The following NETO1 variants were observed in gnomAD, a reference collection of about 807,000 sequenced individuals.
NETO1 encodes neuropilin and tolloid-like protein 1.
In NETO1, 26 loss-of-function variants were observed where a neutral mutation model predicts 61.3. The ratio of observed to expected loss-of-function variants is 0.42; its 90% confidence interval spans 0.31 to 0.59. The LOEUF is 0.59. Among genes scored for constraint, NETO1 ranks in the 20% least tolerant of loss-of-function variants. The pLI, the probability that NETO1 is intolerant of heterozygous loss-of-function variation, is 0.12. For synonymous variants in NETO1, 225 were observed against 225.8 expected, an observed-to-expected ratio of 1.00 and a Z score of 0.03; for missense variants, 531 against 662.8, an observed-to-expected ratio of 0.80 and a Z score of 2.18.
At chr18:72,850,066 T>C (rs2074204637) in intron 4 of NETO1, among the ~76,000 whole-genome samples, 1 of 152,234 alleles carries the variant, frequency 6.6e-6, no homozygotes, top group Non-Finnish European at 1.5e-5. Flanking sequence ...TTAATACAAC[T>C]TTCCACCTTC....
chr18:72,803,818 T>C (rs571057729), intron 4 of NETO1, among the ~76,000 whole-genome samples: 44 of 145,942 alleles, frequency 3.0e-4, no homozygotes, highest in African/African-American at 1.0e-3. Flanking sequence ...CGGAACTCCG[T>C]ACCAAAAAAA....
chr18:72,855,984 A>G (rs2074400344), intron 4 of NETO1, among the ~76,000 whole-genome samples: 7 of 152,200 alleles, frequency 4.6e-5, no homozygotes, highest in Admixed American at 4.6e-4. Flanking sequence ...GAAGAAATGG[A>G]CTTTGTAATA....
At chr18:72,851,228 G>A (rs143148178) in intron 4 of NETO1, among the ~76,000 whole-genome samples, 3,380 of 152,108 alleles carry the variant, frequency 0.022, 41 homozygotes, top group Non-Finnish European at 0.025. Flanking sequence ...CCTGATCAAC[G>A]TGGAGAAACC....
rs137860698 is a variant in NETO1 at position 72,821,181 on chromosome 18, T to G, written c.470-26777A>C. 2.2e-3 allele frequency among the ~76,000 whole-genome samples: 335 copies of G among 149,230 alleles called. 2 individuals are homozygous for G. The highest frequency in any genetic ancestry group is 6.9e-3 in the African/African-American group (278 of 40,256). ...ATCCTGTCCTCTCCTTAGCCCCGTT[T>G]TCTGTCTCCTGAAGCAGTTTTTTCT... On this transcript the variant is annotated intron_variant, in intron 4 of 10. Transcript: ENST00000327305.
rs76739998 is a variant in NETO1, at chr18:72,828,878, C to T, written c.469+29948G>A. On this transcript the variant is annotated intron_variant, in intron 4 of 10. Transcript: ENST00000327305. ...CTGTCAACCTAGAATTGTCAGTTGG[C>T]AAAATTATTTCTTACAGTTGAAGGG... Among the ~76,000 whole-genome samples, 870 of 152,060 alleles carry T rather than the reference C, an allele frequency of 5.7e-3. 11 individuals are homozygous for T. Among genetic ancestry groups the T allele is most frequent in the East Asian group, 0.053 (275 of 5,152 alleles).
In NETO1 at chr18:72,830,005, C is replaced by T. The variant is rs902503053; in HGVS notation, c.469+28821G>A. On this transcript the variant is annotated intron_variant, in intron 4 of 10. Transcript: ENST00000327305. The surrounding 1 kb of genome is among the most constrained non-coding windows in gnomAD (Gnocchi z 4.9). ...TCACTCACAAAAAGAGACACAGACT[C>T]TTGGTTATACAAATAAAGGTTCAAG... is the stretch of plus-strand genomic sequence containing the variant. Among the ~76,000 whole-genome samples the T allele has an allele frequency of 6.6e-6, 1 of 152,166 alleles. No homozygotes were observed. Among genetic ancestry groups the T allele is most frequent in the Non-Finnish European group, 1.5e-5 (1 of 68,034 alleles).
chr18:72,804,665 C>A (rs1462103063), intron 4 of NETO1, among the ~76,000 whole-genome samples: 1 of 152,172 alleles, frequency 6.6e-6, no homozygotes, highest in Non-Finnish European at 1.5e-5. Context: ...CATTATATCA[C>A]AGAATACAGT....
chr18:72,801,430 C>T (rs186512170), intron 4 of NETO1, among the ~76,000 whole-genome samples: 37 of 152,180 alleles, frequency 2.4e-4, no homozygotes, highest in South Asian at 2.1e-4. Flanking sequence ...CAAAAATATA[C>T]GGAAGAGTTT....
chr18:72,834,585 T>C, intron 4 of NETO1: 3 of 981,508 alleles, frequency 3.1e-6, no homozygotes, highest in Non-Finnish European at 3.6e-6. Context: ...ACAACACTAT[T>C]ACTCAGATCA....
In NETO1 at chr18:72,745,518, T is replaced by C. The variant is rs1489981581; in HGVS notation, c.*2661A>G. On this transcript the variant is annotated 3_prime_UTR_variant, in exon 11 of 11. Coordinates refer to ENST00000327305, the MANE Select transcript of NETO1 (RefSeq NM_138966.5). ...AATAAAGCACTTGGGTTGGTAATAT[T>C]TGAATTCACTTTATCAAAAAATATA... The C allele has an allele frequency of 1.3e-5, 2 of 152,220 alleles. No homozygotes were observed. Among genetic ancestry groups the C allele is most frequent in the Non-Finnish European group, 2.9e-5 (2 of 68,032 alleles). 9.4% of individuals were successfully genotyped at this position (152,220 alleles called of 1,614,324 possible).
intron 4 of NETO1, among the ~76,000 whole-genome samples, chr18:72,827,716 CAAAAAA>C (rs535573315): frequency 1.0e-5 from 1 of 100,396 alleles, no homozygotes; most frequent in African/African-American, 3.9e-5. Flanking sequence ...GACCCTGTCT[CAAAAAA>C]AAAAAAAAAA....
rs112471961 is a variant in NETO1 at position 72,746,556 on chromosome 18, T to C, written c.*1623A>G. ...ATGGCTATGATAACTCTTTGACTTT[T>C]CTATTATAAAAATTTATTTTCTATT... On this transcript the variant is annotated 3_prime_UTR_variant, in exon 11 of 11. Coordinates refer to ENST00000327305, the MANE Select transcript of NETO1 (RefSeq NM_138966.5). Among the ~76,000 whole-genome samples, 1,382 of 152,190 alleles carry C rather than the reference T, an allele frequency of 9.1e-3. 16 individuals carry two copies. The highest frequency in any genetic ancestry group is 0.031 in the African/African-American group (1,302 of 41,558).
chr18:72,836,562 A>T (rs1434965056), intron 4 of NETO1, among the ~76,000 whole-genome samples: 1 of 152,230 alleles, frequency 6.6e-6, no homozygotes, highest in African/African-American at 2.4e-5. Context: ...TCTGATTAAT[A>T]AATGTATAAA....
Position 72,867,467 on chromosome 18 carries a change from A to C in NETO1, c.-176T>G. The C allele has an allele frequency of 2.4e-6, 1 of 419,600 alleles. No individual in the cohort carries two copies. The highest frequency in any genetic ancestry group is 4.2e-6 in the Non-Finnish European group (1 of 237,034). 26.0% of individuals were successfully genotyped at this position (419,600 alleles called of 1,614,324 possible). A position where few individuals can be genotyped will look rare whatever the true frequency, so the allele number is the denominator to read the frequency against. On this transcript the variant is annotated 5_prime_UTR_variant, in exon 1 of 11. Transcript: ENST00000327305. ...AGGGGGAGCTCCGAGCCCACGCTGCAGCCAGATCCGGATGAGTCCGTCCTC... is the reference window on the plus strand; with the variant it reads ...AGGGGGAGCTCCGAGCCCACGCTGCCGCCAGATCCGGATGAGTCCGTCCTC...
intron 8 of NETO1, among the ~76,000 whole-genome samples, chr18:72,751,389 C>A (rs996272795): frequency 1.3e-5 from 2 of 152,154 alleles, no homozygotes; most frequent in South Asian, 2.1e-4. Flanking sequence ...ACGATGGGAA[C>A]CCTACTCAGG....
chr18:72,784,007 T>C (rs2071829906), intron 6 of NETO1, 101 bp from the exon 7 acceptor site: 1 of 743,346 alleles, frequency 1.3e-6, no homozygotes. Flanking sequence ...ACAATCTTGA[T>C]TGCAATCAAT....
At chr18:72,821,679 T>C (rs2073205679) in intron 4 of NETO1, among the ~76,000 whole-genome samples, 3 of 152,014 alleles carry the variant, frequency 2.0e-5, no homozygotes, top group South Asian at 4.1e-4. Flanking sequence ...ACAATACTCA[T>C]TGCATAGGGT....
At position 72,818,784 on chromosome 18, in the gene NETO1, TTATC is replaced by T. The variant is rs552783284; in HGVS notation, c.470-24384_470-24381del. 6.6e-5 allele frequency among the ~76,000 whole-genome samples: 10 copies of T among 152,312 alleles called. No individual in the cohort carries two copies. In the South Asian group the frequency reaches 1.0e-3, roughly 16 times the overall value. On this transcript the variant is annotated intron_variant, in intron 4 of 10. Coordinates refer to ENST00000327305, the MANE Select transcript of NETO1 (RefSeq NM_138966.5). Reference sequence around the variant, plus strand: ...TAACTTTATATAAACATTTTTTCGTTTATCTATTAAATTATAGAAACAAGCAACA... The same window carrying T: ...TAACTTTATATAAACATTTTTTCGTTTATTAAATTATAGAAACAAGCAACA...
chr18:72,782,201 A>G (rs913107008), intron 7 of NETO1, among the ~76,000 whole-genome samples: 8 of 152,210 alleles, frequency 5.3e-5, no homozygotes, highest in Non-Finnish European at 1.2e-4. Flanking sequence ...ATGGCTACAT[A>G]GTATTCCACA....
Sources: gnomAD v4.1 joint callset for allele counts (sites outside exome capture counted in the v4.1 genomes callset) on GRCh38, gnomAD v4.1.1 for gene constraint, Gnocchi (gnomAD v3.1) non-coding constraint, MANE v1.5 for transcripts, NCBI Gene and HGNC (gene_info 2026-07-23, HGNC 2026-07-21) for gene names.